SETBP1: variants seen among roughly 807,000 people sequenced by gnomAD.
SETBP1 encodes the protein SET-binding protein.
Under a neutral mutation model 101.0 loss-of-function variants are expected in SETBP1, and 9 were observed. The ratio of observed to expected loss-of-function variants is 0.09; its 90% CI spans 0.05 to 0.16. SETBP1 has a LOEUF of 0.16. SETBP1 is among the 10% of genes least tolerant of loss of function. The pLI is 1.00. For missense variants in SETBP1, 1,858 were observed against 2,033.8 expected (o/e 0.91, Z 1.66); for synonymous variants, 818 against 788.5 (o/e 1.04, Z -0.63).
At chr18:44,897,832 T>C (rs2069943347) in intron 3 of SETBP1, among the ~76,000 whole-genome samples, 1 of 152,158 alleles carries the variant, frequency 6.6e-6, no homozygotes, top group African/African-American at 2.4e-5. Context: ...GGTGACCACA[T>C]TCATCAAGCC....
intron 4 of SETBP1, among the ~76,000 whole-genome samples, chr18:45,003,775 G>A (rs1378880492): frequency 1.3e-5 from 2 of 151,506 alleles, no homozygotes; most frequent in Admixed American, 6.6e-5. Flanking sequence ...GCACCCAAAT[G>A]TCTGTTGACC....
intron 2 of SETBP1, among the ~76,000 whole-genome samples, chr18:44,851,499 T>G (rs1367806034): frequency 6.6e-6 from 1 of 152,188 alleles, no homozygotes; most frequent in Non-Finnish European, 1.5e-5. Context: ...CTGGCCACCT[T>G]TGCATCTTTA....
chr18:44,924,068 C>T (rs546416480), intron 3 of SETBP1, among the ~76,000 whole-genome samples: 1 of 152,090 alleles, frequency 6.6e-6, no homozygotes, highest in Non-Finnish European at 1.5e-5. Flanking sequence ...CTACAGTCAT[C>T]TTTTTATTTG....
intron 4 of SETBP1, among the ~76,000 whole-genome samples, chr18:45,002,351 T>C (rs968941319): frequency 9.2e-5 from 14 of 151,800 alleles, no homozygotes; most frequent in African/African-American, 3.4e-4. Flanking sequence ...TGCCGTGTTA[T>C]AAACAAGGCT....
chr18:44,683,374 T>C (rs1180306685), intron 1 of SETBP1, among the ~76,000 whole-genome samples: 1 of 152,130 alleles, frequency 6.6e-6, no homozygotes, highest in East Asian at 1.9e-4. Flanking sequence ...AAGGAAACAG[T>C]GCTTGGGAGT....
chr18:44,824,717 T>C (rs1288704721), intron 2 of SETBP1, among the ~76,000 whole-genome samples: 1 of 152,038 alleles, frequency 6.6e-6, no homozygotes, highest in African/African-American at 2.4e-5. Context: ...CCCCAGGGAA[T>C]TGCCCTTTTA....
At chr18:44,885,584 G>A (rs577551674) in intron 3 of SETBP1, among the ~76,000 whole-genome samples, 2 of 152,086 alleles carry the variant, frequency 1.3e-5, no homozygotes, top group African/African-American at 4.8e-5. Context: ...GAACCTGATA[G>A]GATTAAAAAG....
intron 1 of SETBP1, among the ~76,000 whole-genome samples, chr18:44,687,358 C>T (rs144827256): frequency 8.5e-5 from 13 of 152,302 alleles, no homozygotes; most frequent in Middle Eastern, 3.4e-3. Flanking sequence ...CCTTTAATGG[C>T]GCCGCCAACA....
chr18:44,767,618 G>A (rs2070786178), intron 2 of SETBP1, among the ~76,000 whole-genome samples: 1 of 152,192 alleles, frequency 6.6e-6, no homozygotes, highest in Admixed American at 6.5e-5. Context: ...AATGTGATAT[G>A]CGTTATTAGC....
chr18:44,917,112 C>G (rs186110954), intron 3 of SETBP1, among the ~76,000 whole-genome samples: 4 of 152,354 alleles, frequency 2.6e-5, no homozygotes, highest in African/African-American at 7.2e-5. Flanking sequence ...TCCAGAGAAC[C>G]TCCTGAATGT....
intron 3 of SETBP1, among the ~76,000 whole-genome samples, chr18:44,881,539 A>G (rs1270980904): frequency 6.6e-6 from 1 of 152,190 alleles, no homozygotes; most frequent in East Asian, 1.9e-4. Context: ...ATCAGCTGTA[A>G]TAACGCCAAT....
At chr18:45,019,429 A>G (rs549219322) in intron 4 of SETBP1, among the ~76,000 whole-genome samples, 8 of 152,320 alleles carry the variant, frequency 5.3e-5, no homozygotes, top group African/African-American at 1.9e-4. Context: ...GAGCTAATTA[A>G]CATACATTGA....
intron 2 of SETBP1, among the ~76,000 whole-genome samples, chr18:44,712,953 CTTTT>C (rs11323504): frequency 7.7e-5 from 5 of 64,924 alleles, no homozygotes; most frequent in African/African-American, 1.2e-4. Context: ...CAGCATCCCT[CTTTT>C]TTTTTTTTTT....
At chr18:44,876,718 C>T (rs192328651) in intron 3 of SETBP1, 7 of 1,545,624 alleles carry the variant, frequency 4.5e-6, no homozygotes, top group African/African-American at 1.4e-5. Context: ...TCTTCCTTTT[C>T]ACAGTGAACC....
At chr18:44,949,119 G>A (rs1431650312) in intron 3 of SETBP1, among the ~76,000 whole-genome samples, 1 of 152,178 alleles carries the variant, frequency 6.6e-6, no homozygotes, top group East Asian at 1.9e-4. Flanking sequence ...CCCAAACAGA[G>A]CAACATTCCT....
intron 2 of SETBP1, among the ~76,000 whole-genome samples, chr18:44,791,199 C>T (rs753312136): frequency 8.6e-5 from 13 of 152,018 alleles, no homozygotes; most frequent in Non-Finnish European, 1.0e-4. Flanking sequence ...ACAGTTGGAT[C>T]GGAGGCGCTC....
At chr18:45,043,937 C>A (rs951051275) in intron 5 of SETBP1, among the ~76,000 whole-genome samples, 1 of 152,150 alleles carries the variant, frequency 6.6e-6, no homozygotes, top group African/African-American at 2.4e-5. Flanking sequence ...TTTCTCTTAG[C>A]CAGCTGCCAT....
intron 5 of SETBP1, among the ~76,000 whole-genome samples, chr18:45,041,048 T>G (rs2073498619): frequency 6.6e-6 from 1 of 152,180 alleles, no homozygotes; most frequent in Non-Finnish European, 1.5e-5. Flanking sequence ...AATGCTCTGT[T>G]TTACATGTGA....
intron 3 of SETBP1, chr18:44,871,560 T>C (rs995217279): frequency 1.1e-4 from 16 of 152,254 alleles, no homozygotes; most frequent in African/African-American, 3.1e-4. Context: ...TGCCTGTTCC[T>C]GCTTTAGACT....
Sources: allele counts gnomAD v4.1 joint callset (sites outside exome capture counted in the v4.1 genomes callset), GRCh38; gene constraint gnomAD v4.1.1; transcripts MANE v1.5; gene names NCBI Gene and HGNC (gene_info 2026-07-23, HGNC 2026-07-21).